The following DLG2 variants were observed in gnomAD, a reference collection of about 807,000 sequenced individuals.
The protein encoded by DLG2 is discs large MAGUK scaffold protein 2, also known as disks large homolog 2.
Under a neutral mutation model 132.5 loss-of-function variants are expected in DLG2, and 45 were observed. The observed-to-expected ratio is 0.34, with a 90% CI of 0.27 to 0.44. The LOEUF (loss-of-function observed/expected upper bound fraction) is 0.44. Ranked by LOEUF, DLG2 falls within the 20% of genes least tolerant of loss-of-function variation. The pLI, the probability that DLG2 is intolerant of heterozygous loss-of-function variation, is 1.00. For synonymous variants in DLG2, 424 were observed against 419.6 expected, an observed-to-expected ratio of 1.01 and a Z score of -0.13; for missense variants, 1,045 against 1,196.9, an observed-to-expected ratio of 0.87 and a Z score of 1.87.
At chr11:85,007,214 C>T (rs1004239934) in intron 6 of DLG2, among the ~76,000 whole-genome samples, 1 of 152,074 alleles carries the variant, frequency 6.6e-6, no homozygotes, top group African/African-American at 2.4e-5. Context: ...CTCAAAGAAC[C>T]TTACCCATAT....
intron 18 of DLG2, among the ~76,000 whole-genome samples, chr11:83,689,741 C>T (rs2080512429): frequency 6.6e-6 from 1 of 151,764 alleles, no homozygotes. Flanking sequence ...TAAGAACATT[C>T]ATCACTCATA....
At chr11:84,696,239 T>C (rs988332516) in intron 6 of DLG2, among the ~76,000 whole-genome samples, 3 of 151,570 alleles carry the variant, frequency 2.0e-5, no homozygotes, top group African/African-American at 7.3e-5. Flanking sequence ...TACTGAATCA[T>C]GGTTTTTGAC....
At chr11:84,162,184 A>G (rs748331217) in intron 9 of DLG2, among the ~76,000 whole-genome samples, 4 of 152,148 alleles carry the variant, frequency 2.6e-5, no homozygotes, top group African/African-American at 9.6e-5. Context: ...TGCGTTTATC[A>G]TAGAAGGTTT....
At chr11:85,549,083 C>T (rs2153219678) in intron 3 of DLG2, among the ~76,000 whole-genome samples, 1 of 152,250 alleles carries the variant, frequency 6.6e-6, no homozygotes, top group Non-Finnish European at 1.5e-5. Context: ...AAAACAGCCG[C>T]CCAGTTTTGT....
intron 8 of DLG2, among the ~76,000 whole-genome samples, chr11:84,200,706 G>C (rs2096580701): frequency 6.6e-6 from 1 of 151,928 alleles, no homozygotes; most frequent in Non-Finnish European, 1.5e-5. Context: ...TCTTTTTGTA[G>C]CAATTCTGAA....
intron 15 of DLG2, among the ~76,000 whole-genome samples, chr11:83,910,426 T>C (rs1297975842): frequency 6.6e-6 from 1 of 152,128 alleles, no homozygotes; most frequent in East Asian, 1.9e-4. Context: ...CTGTGAAACA[T>C]GAACATCAAA....
intron 3 of DLG2, among the ~76,000 whole-genome samples, chr11:85,448,474 G>T (rs1054408348): frequency 6.6e-6 from 1 of 152,118 alleles, no homozygotes; most frequent in Non-Finnish European, 1.5e-5. Flanking sequence ...TGGCTGGAAA[G>T]TTAAAAGGAA....
At chr11:84,915,666 T>TA (rs1360660975) in intron 6 of DLG2, among the ~76,000 whole-genome samples, 3 of 152,208 alleles carry the variant, frequency 2.0e-5, no homozygotes, top group Non-Finnish European at 4.4e-5. Flanking sequence ...AGAGAGGAAA[T>TA]TAATTAGAGA....
At chr11:84,425,710 C>G (rs1235393594) in intron 7 of DLG2, among the ~76,000 whole-genome samples, 2 of 152,064 alleles carry the variant, frequency 1.3e-5, no homozygotes, top group African/African-American at 4.8e-5. Context: ...ACATTAAAAA[C>G]AGTCATAACA....
intron 7 of DLG2, among the ~76,000 whole-genome samples, chr11:84,279,516 T>C (rs186328415): frequency 1.3e-4 from 20 of 152,362 alleles, no homozygotes; most frequent in Admixed American, 1.3e-3. Context: ...CATGTATGTT[T>C]ATTGTGGCAC....
chr11:83,869,590 A>C (rs867033), intron 16 of DLG2, among the ~76,000 whole-genome samples: 24,422 of 152,210 alleles, frequency 0.16, 2,180 homozygotes, highest in Middle Eastern at 0.3. Flanking sequence ...ATCACAAACC[A>C]GTTAACTTGA....
chr11:84,973,688 T>G (rs2054440794), intron 6 of DLG2, among the ~76,000 whole-genome samples: 1 of 152,286 alleles, frequency 6.6e-6, no homozygotes, highest in South Asian at 2.1e-4. Context: ...ATCAGAAAAC[T>G]TTTCTAAAAA....
chr11:85,330,945 CTGAG>C, intron 3 of DLG2, among the ~76,000 whole-genome samples: 1 of 152,152 alleles, frequency 6.6e-6, no homozygotes, highest in East Asian at 1.9e-4. Context: ...CCCATGTATA[CTGAG>C]TATTACTACA....
intron 2 of DLG2, among the ~76,000 whole-genome samples, chr11:85,615,315 C>G (rs762464579): frequency 6.6e-6 from 1 of 152,076 alleles, no homozygotes; most frequent in South Asian, 2.1e-4. Context: ...CTCAGGAGTT[C>G]AAGACCAGCC....
At chr11:84,605,412 G>A (rs566415737) in intron 6 of DLG2, among the ~76,000 whole-genome samples, 1 of 151,930 alleles carries the variant, frequency 6.6e-6, no homozygotes, top group South Asian at 2.1e-4. Flanking sequence ...AATGATAATA[G>A]TTACTTTTCT....
At chr11:84,263,239 G>T (rs1045982445) in intron 7 of DLG2, among the ~76,000 whole-genome samples, 5 of 152,136 alleles carry the variant, frequency 3.3e-5, no homozygotes, top group Admixed American at 3.3e-4. Flanking sequence ...AGAAAGCAAG[G>T]ATGCTGTATA....
At chr11:83,922,990 G>T (rs1031687272) in intron 15 of DLG2, among the ~76,000 whole-genome samples, 1 of 152,006 alleles carries the variant, frequency 6.6e-6, no homozygotes, top group Non-Finnish European at 1.5e-5. Context: ...TCACATATGG[G>T]ATTAGACACA....
rs1594894225 is a variant in DLG2, at chr11:85,154,706, T to C, written c.187-55A>G. 3.5e-6 allele frequency: 3 copies of C among 864,560 alleles called. No homozygotes were observed. The Admixed American group carries it at 7.8e-5, about 23-fold the overall frequency. 53.6% of individuals were successfully genotyped at this position (864,560 alleles called of 1,614,324 possible). ...CCTTTTTTATTTTCTGCAATGTATATTGTTTTCAAACTTTGAATATACACA... is the reference window on the plus strand; with the variant it reads ...CCTTTTTTATTTTCTGCAATGTATACTGTTTTCAAACTTTGAATATACACA... On this transcript the variant is annotated intron_variant, in intron 4 of 27. Coordinates refer to ENST00000376104, the MANE Select transcript of DLG2 (RefSeq NM_001142699.3).
intron 4 of DLG2, among the ~76,000 whole-genome samples, chr11:85,221,924 T>C (rs2074671492): frequency 6.6e-6 from 1 of 151,848 alleles, no homozygotes; most frequent in Non-Finnish European, 1.5e-5. Flanking sequence ...GAATACATTT[T>C]CTTTCTTTCT....
Sources: gnomAD v4.1 joint callset for allele counts (sites outside exome capture counted in the v4.1 genomes callset) on GRCh38, gnomAD v4.1.1 for gene constraint, MANE v1.5 for transcripts, NCBI Gene and HGNC (gene_info 2026-07-23, HGNC 2026-07-21) for gene names.